The following CSDE1 variants were observed in gnomAD, a reference collection of about 807,000 sequenced individuals.
CSDE1 encodes the protein cold shock domain-containing protein E1.
A neutral mutation model predicts 89.3 loss-of-function variants in CSDE1; 17 were observed. That is an observed-to-expected ratio of 0.19 (90% confidence interval 0.13 to 0.29). The LOEUF (loss-of-function observed/expected upper bound fraction) is 0.29, where lower values mean the gene tolerates loss of function less well. Among genes scored for constraint, CSDE1 ranks in the 10% least tolerant of loss-of-function variants. The pLI is 1.00. For missense variants in CSDE1, 672 were observed against 984.2 expected (o/e 0.68, Z 4.24); for synonymous variants, 322 against 332.8 (o/e 0.97, Z 0.35).
chr1:114,743,931 T>C (rs1380302087), intron 2 of CSDE1, among the ~76,000 whole-genome samples: 2 of 152,220 alleles, frequency 1.3e-5, no homozygotes, highest in Non-Finnish European at 2.9e-5. Context: ...TTTAGATAAG[T>C]TGATGTGACA....
intron 14 of CSDE1, 97 bp from the exon 15 acceptor site, chr1:114,725,430 GC>G: frequency 1.1e-6 from 1 of 921,044 alleles, no homozygotes; most frequent in Middle Eastern, 2.1e-4. Context: ...GGCATGGCAT[GC>G]TTATTTACAT....
chr1:114,743,351 C>T (rs1042857641), intron 2 of CSDE1, among the ~76,000 whole-genome samples: 7 of 152,062 alleles, frequency 4.6e-5, no homozygotes, highest in Non-Finnish European at 1.0e-4. Context: ...GCCACCAAAC[C>T]CAGCCAAATT....
At chr1:114,743,037 A>G (rs895249068) in intron 2 of CSDE1, among the ~76,000 whole-genome samples, 1 of 152,224 alleles carries the variant, frequency 6.6e-6, no homozygotes, top group Non-Finnish European at 1.5e-5. Context: ...ACACATATCG[A>G]AAATACATGT....
At chr1:114,739,446 T>C (rs750530781) in intron 3 of CSDE1, among the ~76,000 whole-genome samples, 2 of 152,232 alleles carry the variant, frequency 1.3e-5, no homozygotes, top group Non-Finnish European at 2.9e-5. Flanking sequence ...CTTAAAATCT[T>C]ACGGGTAAAC....
At chr1:114,740,134 G>A (rs1254042955) in intron 2 of CSDE1, among the ~76,000 whole-genome samples, 1 of 152,146 alleles carries the variant, frequency 6.6e-6, no homozygotes, top group Non-Finnish European at 1.5e-5. Flanking sequence ...GACAAAAATA[G>A]AATTTCTGGG....
chr1:114,753,519 A>G (rs1661418013), intron 1 of CSDE1, among the ~76,000 whole-genome samples: 1 of 152,192 alleles, frequency 6.6e-6, no homozygotes, highest in African/African-American at 2.4e-5. Flanking sequence ...TCATGCCCGG[A>G]TTAACATTAA....
intron 2 of CSDE1, among the ~76,000 whole-genome samples, chr1:114,746,183 C>CT (rs1661002815): frequency 6.6e-6 from 1 of 152,186 alleles, no homozygotes; most frequent in Admixed American, 6.5e-5. Flanking sequence ...ATTTTTAACA[C>CT]TAATTGCTGT....
At chr1:114,743,639 T>C (rs556115311) in intron 2 of CSDE1, among the ~76,000 whole-genome samples, 3 of 152,166 alleles carry the variant, frequency 2.0e-5, no homozygotes, top group Non-Finnish European at 4.4e-5. Flanking sequence ...AGGTAGGAGA[T>C]AGAAATCCTC....
intron 2 of CSDE1, chr1:114,741,549 C>G (rs1336462536): frequency 6.5e-7 from 1 of 1,550,370 alleles, no homozygotes; most frequent in Non-Finnish European, 8.7e-7. Flanking sequence ...AGTTGGGGTC[C>G]TCTTTTGTTT....
At chr1:114,732,145 T>C (rs1660136352) in intron 10 of CSDE1, among the ~76,000 whole-genome samples, 1 of 152,048 alleles carries the variant, frequency 6.6e-6, no homozygotes, top group Non-Finnish European at 1.5e-5. Flanking sequence ...TCAGCTATCA[T>C]TGCTGTTAGT....
chr1:114,737,378 T>A lies in CSDE1; in HGVS notation c.402+93A>T, dbSNP rs549456471. 3 of 1,027,272 alleles carry A rather than the reference T, an allele frequency of 2.9e-6. No individual in the cohort carries two copies. In the South Asian group the frequency reaches 4.4e-5, roughly 15 times the overall value. 63.6% of individuals were successfully genotyped at this position (1,027,272 alleles called of 1,614,324 possible). The stretch of plus-strand genomic sequence containing the variant: ...CCAAATTTAAAACTGATTTTAACAA[T>A]TGCAGCTTACGTTTTCTATTTTGAA... On this transcript the variant is annotated intron_variant, in intron 5 of 19. Coordinates refer to ENST00000358528, the MANE Select transcript of CSDE1 (RefSeq NM_001007553.3).
chr1:114,742,716 C>A (rs1660797837), intron 2 of CSDE1, among the ~76,000 whole-genome samples: 2 of 152,184 alleles, frequency 1.3e-5, no homozygotes, highest in African/African-American at 4.8e-5. Context: ...TCTTCAACCT[C>A]CACATTAAGA....
At chr1:114,733,614 CT>C in intron 9 of CSDE1, 117 bp downstream of exon 9, 1 of 781,294 alleles carries the variant, frequency 1.3e-6, no homozygotes, top group Non-Finnish European at 2.0e-6. Context: ...ACAAGAGGTC[CT>C]TAGTTGTTCC....
At chr1:114,718,813 G>A (rs1659348581) in intron 18 of CSDE1, 68 bp from the exon 19 acceptor site, 1 of 1,569,010 alleles carries the variant, frequency 6.4e-7, no homozygotes. Flanking sequence ...TTGCAAAGGA[G>A]TGTGTTTTCC....
chr1:114,720,635 G>A lies in CSDE1; in HGVS notation c.1956C>T (p.Val652=), dbSNP rs150490395. 6.8e-6 allele frequency: 11 copies of A among 1,614,042 alleles called. No homozygotes were observed. In the African/African-American group the frequency reaches 1.2e-4, roughly 18 times the overall value. The change falls in exon 17 of 20, where the codon GTC becomes GTT. Residue 652 remains valine (V), a synonymous_variant. Transcript: ENST00000358528. ...KGDCLQKGES[V]KFQLCVLGQN... ...GGCCCAGGACACACAATTGGAACTTGACGCTCTCCCCTTTCTGCAGGCAAT... is the reference window on the plus strand; with the variant it reads ...GGCCCAGGACACACAATTGGAACTTAACGCTCTCCCCTTTCTGCAGGCAAT...
At chr1:114,731,530 T>C (rs986747066) in intron 10 of CSDE1, among the ~76,000 whole-genome samples, 1 of 152,144 alleles carries the variant, frequency 6.6e-6, no homozygotes, top group Non-Finnish European at 1.5e-5. Flanking sequence ...TGTACCCAGT[T>C]CCACTGGCAA....
intron 2 of CSDE1, 139 bp downstream of exon 2, chr1:114,749,682 T>C (rs1318291979): frequency 6.6e-6 from 1 of 152,388 alleles, no homozygotes; most frequent in Non-Finnish European, 1.5e-5. Context: ...ATAGTGTTGA[T>C]ATTTCATACT....
intron 12 of CSDE1, 85 bp from the exon 13 acceptor site, chr1:114,727,175 G>T: frequency 1.1e-6 from 1 of 925,726 alleles, no homozygotes; most frequent in Non-Finnish European, 1.7e-6. Flanking sequence ...ACATATTCTT[G>T]TGCCAAAGGA....
chr1:114,733,528 A>C (rs2101041075), intron 9 of CSDE1, among the ~76,000 whole-genome samples: 1 of 144,012 alleles, frequency 6.9e-6, no homozygotes, highest in Non-Finnish European at 1.6e-5. Flanking sequence ...CTGTCACAAA[A>C]AAAGAAAAAA....
Sources: gnomAD v4.1 joint callset for allele counts (sites outside exome capture counted in the v4.1 genomes callset) on GRCh38, gnomAD v4.1.1 for gene constraint, MANE v1.5 for transcripts, NCBI Gene and HGNC (gene_info 2026-07-23, HGNC 2026-07-21) for gene names.